The following ABI3 variants were observed in gnomAD, a reference collection of about 807,000 sequenced individuals.
ABI3 encodes the protein ABI family member 3.
ABI3 carries 24 observed loss-of-function variants against 37.0 expected under a neutral mutation model. The ratio of observed to expected loss-of-function variants is 0.65; its 90% CI spans 0.47 to 0.91. The LOEUF (loss-of-function observed/expected upper bound fraction) is 0.91. Among genes scored for constraint, ABI3 ranks in the 40% least tolerant of loss-of-function variants. The pLI is 0.00. For synonymous variants in ABI3, 220 were observed against 211.8 expected, an observed-to-expected ratio of 1.04 and a Z score of -0.34; for missense variants, 481 against 485.1, an observed-to-expected ratio of 0.99 and a Z score of 0.08.
At chr17:49,221,025 T>G (rs2043280767) in intron 6 of ABI3, among the ~76,000 whole-genome samples, 1 of 146,604 alleles carries the variant, frequency 6.8e-6, no homozygotes, top group African/African-American at 2.6e-5. Flanking sequence ...ATACAAAAAT[T>G]AGCCTGGCGT....
chr17:49,214,078 T>C (rs1254389111), intron 1 of ABI3, among the ~76,000 whole-genome samples: 1 of 152,200 alleles, frequency 6.6e-6, no homozygotes, highest in East Asian at 1.9e-4. Flanking sequence ...GAGAGAGCCA[T>C]CGCATGGGCT....
chr17:49,213,504 A>G (rs2043189994), intron 1 of ABI3, among the ~76,000 whole-genome samples: 1 of 151,994 alleles, frequency 6.6e-6, no homozygotes, highest in South Asian at 2.1e-4. Context: ...CACCACCCAG[A>G]TGCTAGGAAA....
At position 49,222,128 on chromosome 17, in the gene ABI3, T is replaced by A. The variant is rs1234485711; in HGVS notation, c.840T>A (p.Pro280=). The A allele has an allele frequency of 3.7e-6, 6 of 1,612,706 alleles. No individual in the cohort carries two copies. The highest frequency in any genetic ancestry group is 1.6e-4 in the Middle Eastern group (1 of 6,066). Residue 280 remains proline, a synonymous_variant, in exon 7 of 8, where the codon CCT becomes CCA. Coordinates refer to ENST00000225941, the MANE Select transcript of ABI3 (RefSeq NM_016428.3). ...CCCTGCCACTGGACCTGCCTCCTCCTCCACCCCTGGATGGAGATGAATTGG... is the reference window on the plus strand; with the variant it reads ...CCCTGCCACTGGACCTGCCTCCTCCACCACCCCTGGATGGAGATGAATTGG... ...ELPLPLDLPP[P]PPLDGDELGL...
chr17:49,217,813 C>G lies in ABI3; in HGVS notation c.360C>G (p.Pro120=). 1 of 1,611,222 alleles carries G rather than the reference C, an allele frequency of 6.2e-7. No homozygotes were observed. The highest frequency in any genetic ancestry group is 1.3e-5 in the African/African-American group (1 of 74,904). The change falls in exon 3 of 8, where the codon CCC becomes CCG. Residue 120 remains proline, a synonymous_variant. Coordinates refer to ENST00000225941, the MANE Select transcript of ABI3 (RefSeq NM_016428.3). ...TAGCCACTGTCCAGCGGCTGCCCCC[C>G]GGCCAGAAGGTCATCGCCCCAGAGA... ...GTLATVQRLP[P]GQKVIAPENL...
rs2043156479 is a variant in ABI3, at chr17:49,210,751, G to A, written c.27G>A (p.Glu9=). The change falls in exon 1 of 8, where the codon GAG becomes GAA. Residue 9 remains glutamate (E), a synonymous_variant. Coordinates refer to ENST00000225941, the MANE Select transcript of ABI3 (RefSeq NM_016428.3). The surrounding 1 kb of genome is among the most constrained non-coding windows in gnomAD (Gnocchi z 4.2). MAELQQLQ[E]FEIPTGREAL... Reference sequence around the variant, plus strand: ...TGGCGGAGCTACAGCAGCTGCAGGAGTTTGAGATCCCCACTGGCCGGGAGG... The same window carrying A: ...TGGCGGAGCTACAGCAGCTGCAGGAATTTGAGATCCCCACTGGCCGGGAGG... The A allele has an allele frequency of 1.3e-6, 2 of 1,556,444 alleles. No individual in the cohort carries two copies. The highest frequency in any genetic ancestry group is 1.7e-6 in the Non-Finnish European group (2 of 1,150,034).
In ABI3 at chr17:49,210,806, C is replaced by T. The variant is rs1394533857; in HGVS notation, c.82C>T (p.Arg28Trp). Residue 28 changes from arginine to tryptophan, a missense_variant, in exon 1 of 8, where the codon CGG (arginine) becomes TGG (tryptophan). Arg to Trp is a moderately radical substitution (Grantham distance 101, BLOSUM62 -3). Coordinates refer to ENST00000225941, the MANE Select transcript of ABI3 (RefSeq NM_016428.3). The surrounding 1 kb of genome is among the most constrained non-coding windows in gnomAD (Gnocchi z 4.2). ...ALRGNHSALL[R>W]VADYCEDNYV... is the part of the protein sequence containing the mutation. ...GAGGGGCAACCACAGTGCCCTGCTG[C>T]GGGTCGCTGACTACTGCGAGGACAA... The T allele has an allele frequency of 2.6e-6, 4 of 1,555,930 alleles. No individual in the cohort carries two copies. Among genetic ancestry groups the T allele is most frequent in the Admixed American group, 1.9e-5 (1 of 51,780 alleles).
chr17:49,221,984 G>T, intron 6 of ABI3, 107 bp from the exon 7 acceptor site: 1 of 1,403,682 alleles, frequency 7.1e-7, no homozygotes, highest in Non-Finnish European at 9.4e-7. Flanking sequence ...CTCCCAACGT[G>T]CCTCGCTGAG....
At position 49,222,851 on chromosome 17, in the gene ABI3, C is replaced by A; in HGVS notation, c.*136C>A. On this transcript the variant is annotated 3_prime_UTR_variant, in exon 8 of 8. Transcript: ENST00000225941. ...GTGAGCTGTGTTCTGTCCTTCCTCC[C>A]ATCGGAGGGAGAAGGGGTCCTGGGG... 9.9e-7 allele frequency: 1 copy of A among 1,010,490 alleles called. No homozygotes were observed. Among genetic ancestry groups the A allele is most frequent in the Non-Finnish European group, 1.4e-6 (1 of 711,070 alleles). The allele number at this position is 1,010,490 out of a possible 1,614,324, so 62.6% of individuals were successfully genotyped here.
intron 6 of ABI3, among the ~76,000 whole-genome samples, chr17:49,220,578 C>T (rs1484824696): frequency 2.0e-5 from 3 of 152,212 alleles, no homozygotes; most frequent in Admixed American, 1.3e-4. Context: ...GGCGCGGTGG[C>T]TCACCCCTGT....
In ABI3 at chr17:49,216,708, G is replaced by C. The variant is rs571414095; in HGVS notation, c.285+10G>C. The C allele has an allele frequency of 6.7e-7, 1 of 1,494,808 alleles. No individual in the cohort carries two copies. Among genetic ancestry groups the C allele is most frequent in the Non-Finnish European group, 8.9e-7 (1 of 1,119,286 alleles). The allele number at this position is 1,494,808 out of a possible 1,614,324, so 92.6% of individuals were successfully genotyped here. A position where few individuals can be genotyped will look rare whatever the true frequency, so the allele number is the denominator to read the frequency against. ...AAGCACGCTGGGCCAGGTAAGGGGC[G>C]TGGGGCGTGGGAAGGCATCTTGTGT... is the stretch of plus-strand genomic sequence containing the variant. On this transcript the variant is annotated intron_variant, in intron 2 of 7. Transcript: ENST00000225941.
At chr17:49,216,006 G>T (rs536229436) in intron 1 of ABI3, among the ~76,000 whole-genome samples, 45 of 151,692 alleles carry the variant, frequency 3.0e-4, no homozygotes, top group African/African-American at 9.9e-4. Context: ...AACTACTTGG[G>T]AGGCTGAGGC....
In ABI3 at chr17:49,219,412, G is replaced by A; in HGVS notation, c.463-128G>A. ...TAGGAGAGGGGCCTGAGAAGTGGAA[G>A]TGGGAACTGGCTATGCCGGGCTCTC... is the stretch of plus-strand genomic sequence containing the variant. On this transcript the variant is annotated intron_variant, in intron 3 of 7. Transcript: ENST00000225941. The surrounding 1 kb of genome is among the most constrained non-coding windows in gnomAD (Gnocchi z 4.3). 1 of 754,434 alleles carries A rather than the reference G, an allele frequency of 1.3e-6. No individual in the cohort carries two copies. The allele number at this position is 754,434 out of a possible 1,614,324, so 46.7% of individuals were successfully genotyped here. A position where few individuals can be genotyped will look rare whatever the true frequency, so the allele number is the denominator to read the frequency against.
Position 49,220,329 on chromosome 17 carries a change from A to G in ABI3, c.802+3A>G. The G allele has an allele frequency of 1.3e-6, 2 of 1,576,654 alleles. No homozygotes were observed. The highest frequency in any genetic ancestry group is 1.7e-6 in the Non-Finnish European group (2 of 1,161,262). Reference sequence around the variant, plus strand: ...GGAGTTGTCCCCACCCCCACCGGGTAAGGAGGTCCACCCTCTTCTTCCCAA... The same window carrying G: ...GGAGTTGTCCCCACCCCCACCGGGTGAGGAGGTCCACCCTCTTCTTCCCAA... On this transcript the variant is annotated splice_donor_region_variant and intron_variant, in intron 6 of 7. Transcript: ENST00000225941.
intron 7 of ABI3, 42 bp from the exon 8 acceptor site, chr17:49,222,502 GAGAGGGCA>G: frequency 6.3e-7 from 1 of 1,592,844 alleles, no homozygotes; most frequent in Non-Finnish European, 8.6e-7. Flanking sequence ...GGGTGAGGGG[GAGAGGGCA>G]AGAGGCATTA....
chr17:49,218,112 C>T (rs1439228153), intron 3 of ABI3, among the ~76,000 whole-genome samples, 197 bp downstream of exon 3: 1 of 152,240 alleles, frequency 6.6e-6, no homozygotes, highest in Non-Finnish European at 1.5e-5. Context: ...CTGGTCTGTA[C>T]CATCCTCGGA....
chr17:49,216,839 T>C (rs1421103261), intron 2 of ABI3, 141 bp downstream of exon 2: 13 of 1,073,632 alleles, frequency 1.2e-5, no homozygotes. Flanking sequence ...GGTTGGCACT[T>C]CCCAAGCTTT....
intron 1 of ABI3, among the ~76,000 whole-genome samples, chr17:49,215,941 T>TAA (rs1235253007): frequency 7.0e-6 from 1 of 143,756 alleles, no homozygotes. Context: ...CTGTCTCTAC[T>TAA]AAAAAAAAAA....
chr17:49,215,937 C>T (rs1044125176), intron 1 of ABI3, among the ~76,000 whole-genome samples: 4 of 150,806 alleles, frequency 2.7e-5, no homozygotes, highest in Non-Finnish European at 4.4e-5. Flanking sequence ...AACCCTGTCT[C>T]TACTAAAAAA....
In ABI3 at chr17:49,220,300, TGGA is replaced by T. The variant is rs1219668332; in HGVS notation, c.781_783del (p.Glu261del). On this transcript the variant is annotated inframe_deletion, in exon 6 of 8. Transcript: ENST00000225941. ...GAGGTGTTCCAGCGGCCTCCCACGC[TGGA>T]GGAGTTGTCCCCACCCCCACCGGGT... The T allele has an allele frequency of 2.5e-6, 4 of 1,596,040 alleles. No homozygotes were observed. Among genetic ancestry groups the T allele is most frequent in the East Asian group, 2.3e-5 (1 of 44,202 alleles).
Sources: allele counts gnomAD v4.1 joint callset (sites outside exome capture counted in the v4.1 genomes callset), GRCh38; gene constraint gnomAD v4.1.1; non-coding constraint Gnocchi (gnomAD v3.1); transcripts MANE v1.5; gene names NCBI Gene and HGNC (gene_info 2026-07-23, HGNC 2026-07-21).